Variants in RGS12 observed in about 807,000 individuals in gnomAD.
RGS12 encodes regulator of G-protein signaling 12.
RGS12 carries 66 observed loss-of-function variants against 120.1 expected under a neutral mutation model. The ratio of observed to expected loss-of-function variants is 0.55; its 90% confidence interval spans 0.45 to 0.67. The LOEUF is 0.67. Ranked by LOEUF, RGS12 falls within the 30% of genes least tolerant of loss-of-function variation. RGS12 has a pLI of 0.00. For synonymous variants in RGS12, 827 were observed against 804.7 expected (o/e 1.03, Z -0.47); for missense variants, 1,859 against 1,957.7 (o/e 0.95, Z 0.95).
intron 3 of RGS12, among the ~76,000 whole-genome samples, chr4:3,377,095 T>G (rs1209403032): frequency 6.6e-6 from 1 of 151,544 alleles, no homozygotes; most frequent in Non-Finnish European, 1.5e-5. Flanking sequence ...CACTGCAGCC[T>G]TGATTTTCTT....
chr4:3,332,789 A>G (rs1049784315), intron 2 of RGS12, among the ~76,000 whole-genome samples: 1 of 152,200 alleles, frequency 6.6e-6, no homozygotes, highest in African/African-American at 2.4e-5. Flanking sequence ...AGCCAGATGT[A>G]TAATCTTTTC....
intron 2 of RGS12, chr4:3,324,480 G>A: frequency 4.5e-6 from 1 of 220,268 alleles, no homozygotes; most frequent in Non-Finnish European, 9.1e-6. Context: ...CTGTGGGCCA[G>A]CGTACGCCAT....
Position 3,422,418 on chromosome 4 carries a change from A to G in RGS12, c.2881A>G (p.Thr961Ala). Residue 961 changes from threonine (T) to alanine (A), a missense_variant, in exon 11 of 18, where the codon ACC (threonine) becomes GCC (alanine). Thr to Ala is a moderately conservative substitution (Grantham distance 58). Coordinates refer to ENST00000336727, the MANE Select transcript of RGS12 (RefSeq NM_001394154.1). ...TTTGGCACCCGAGAAGGACAAGGCC[A>G]CCAAGCACTGCTGCATTCATCTCCC... The part of the protein sequence containing the change: ...RTLAPEKDKA[T>A]KHCCIHLPDG... 1 of 1,612,964 alleles carries G rather than the reference A, an allele frequency of 6.2e-7. No homozygotes were observed. The highest frequency in any genetic ancestry group is 8.5e-7 in the Non-Finnish European group (1 of 1,179,896).
intron 7 of RGS12, 38 bp from the exon 8 acceptor site, chr4:3,416,875 C>T (rs776237847): frequency 4.5e-6 from 7 of 1,553,070 alleles, no homozygotes; most frequent in Non-Finnish European, 5.3e-6. Flanking sequence ...ATGTCTGGGT[C>T]CCTCCTGTGA....
At chr4:3,415,898 G>A (rs1379601399) in intron 6 of RGS12, 80 bp from the exon 7 acceptor site, 11 of 1,477,636 alleles carry the variant, frequency 7.4e-6, no homozygotes, top group African/African-American at 5.6e-5. Flanking sequence ...TGTAGAGCCC[G>A]GGGGTGTCGG....
At chr4:3,290,193 G>A (rs1311654724), upstream of RGS12, among the ~76,000 whole-genome samples, 1 of 152,086 alleles carries the variant, frequency 6.6e-6, no homozygotes, top group Non-Finnish European at 1.5e-5. Context: ...TGGATCACAC[G>A]GTAGTTCTAG....
chr4:3,306,612 A>G (rs1723978576), intron 1 of RGS12, among the ~76,000 whole-genome samples: 1 of 152,162 alleles, frequency 6.6e-6, no homozygotes, highest in South Asian at 2.1e-4. Context: ...CTTAAACACA[A>G]ATAGCTGTTG....
chr4:3,308,793 C>T (rs974076959), intron 1 of RGS12, among the ~76,000 whole-genome samples: 1 of 152,258 alleles, frequency 6.6e-6, no homozygotes, highest in African/African-American at 2.4e-5. Context: ...CGGCTGGCGC[C>T]GTTCAGGGCT....
intron 3 of RGS12, chr4:3,370,074 G>A (rs1716805943): frequency 7.8e-7 from 1 of 1,277,890 alleles, no homozygotes; most frequent in African/African-American, 1.5e-5. Flanking sequence ...TTCTTTCTTT[G>A]GATGAGACAA....
In RGS12 at chr4:3,425,579, G is replaced by C. The variant is rs749325824; in HGVS notation, c.3331+19G>C. ...GGAAAGGGTGAGTAGGGCTGGTGCA[G>C]CGGATGGGGAGAGGGTGAGTGGGTC... is the stretch of plus-strand genomic sequence containing the variant. On this transcript the variant is annotated intron_variant, in intron 14 of 17. Transcript: ENST00000336727. 6.3e-7 allele frequency: 1 copy of C among 1,596,306 alleles called. No homozygotes were observed. Among genetic ancestry groups the C allele is most frequent in the African/African-American group, 1.4e-5 (1 of 72,168 alleles).
intron 1 of RGS12, among the ~76,000 whole-genome samples, chr4:3,299,969 C>T (rs1723589548): frequency 6.6e-6 from 1 of 152,224 alleles, no homozygotes; most frequent in African/African-American, 2.4e-5. Flanking sequence ...CCTGTGGCTG[C>T]TGTTCCGCGG....
intron 4 of RGS12, 42 bp from the exon 5 acceptor site, chr4:3,414,030 C>T (rs371404406): frequency 1.4e-4 from 216 of 1,492,352 alleles, no homozygotes; most frequent in Non-Finnish European, 1.8e-4. Flanking sequence ...TGGGCCGGGG[C>T]GGAGGGCAGG....
intron 17 of RGS12, 21 bp from the exon 18 acceptor site, chr4:3,439,434 C>T: frequency 6.2e-7 from 1 of 1,612,228 alleles, no homozygotes; most frequent in Non-Finnish European, 8.5e-7. Flanking sequence ...CAAGTGACAG[C>T]TTCTCTTCTC....
intron 2 of RGS12, among the ~76,000 whole-genome samples, chr4:3,339,424 G>C (rs1712820515): frequency 6.6e-6 from 1 of 152,168 alleles, no homozygotes. Flanking sequence ...CGCGGCTGCT[G>C]TGAGCCATGA....
intron 6 of RGS12, 57 bp downstream of exon 6, chr4:3,414,901 A>G: frequency 3.9e-6 from 5 of 1,277,068 alleles, no homozygotes; most frequent in Non-Finnish European, 5.7e-6. Flanking sequence ...AGAGAGACGC[A>G]TGTGAGGGGT....
Position 3,428,573 on chromosome 4 carries a change from C to A in RGS12, c.3427C>A (p.Leu1143Ile), listed in dbSNP as rs748655406. 6 of 1,590,530 alleles carry A rather than the reference C, an allele frequency of 3.8e-6. No homozygotes were observed. The South Asian group carries it at 5.8e-5, about 15-fold the overall frequency. ...TCTAATGCAGGGAGAGGAAAGAACA[C>A]TAGGCAAGTCTAATTCTATTAAAAT... Reference protein sequence around the residue: ...NHSATGEERTLGKSNSIKIKG... With the variant: ...NHSATGEERTIGKSNSIKIKG... The change falls in exon 16 of 18, where the codon CTA becomes ATA. Residue 1143 changes from leucine (L) to isoleucine (I), a missense_variant. By Grantham distance (5) the Leu-to-Ile change is conservative. Transcript: ENST00000336727.
chr4:3,309,393 AC>A (rs1724179134), intron 1 of RGS12, among the ~76,000 whole-genome samples: 1 of 132,730 alleles, frequency 7.5e-6, no homozygotes. Context: ...AGGAGCTGGG[AC>A]CCTGGAATGG....
At chr4:3,355,812 A>AAAG (rs1714832788) in intron 3 of RGS12, among the ~76,000 whole-genome samples, 1 of 151,166 alleles carries the variant, frequency 6.6e-6, no homozygotes, top group South Asian at 2.1e-4. Context: ...AAAAAAAAAA[A>AAAG]AAAAGGAAAA....
intron 3 of RGS12, among the ~76,000 whole-genome samples, chr4:3,351,606 C>A (rs1185972264): frequency 6.6e-6 from 1 of 152,090 alleles, no homozygotes; most frequent in Non-Finnish European, 1.5e-5. Flanking sequence ...TATCTTAATG[C>A]TGGCAGAAAA....
Sources: allele counts gnomAD v4.1 joint callset (sites outside exome capture counted in the v4.1 genomes callset), GRCh38; gene constraint gnomAD v4.1.1; transcripts MANE v1.5; gene names NCBI Gene and HGNC (gene_info 2026-07-23, HGNC 2026-07-21).